The following CTNNA3 variants were observed in gnomAD, a reference collection of about 807,000 sequenced individuals.
The protein encoded by CTNNA3 is catenin alpha-3.
CTNNA3 carries 76 observed loss-of-function variants against 95.7 expected under a neutral mutation model. That is an observed-to-expected ratio of 0.79 (90% CI 0.66 to 0.96). CTNNA3 has a LOEUF of 0.96. CTNNA3 is among the 40% of genes least tolerant of loss of function. The probability of loss-of-function intolerance (pLI) is 0.00; values close to 1 mark genes in which losing one functional copy is unlikely to be tolerated. For missense variants in CTNNA3, 1,191 were observed against 1,089.8 expected, an observed-to-expected ratio of 1.09 and a Z score of -1.31; for synonymous variants, 431 against 374.4, an observed-to-expected ratio of 1.15 and a Z score of -1.74.
chr10:67,625,087 G>A (rs1230023441), intron 2 of CTNNA3, among the ~76,000 whole-genome samples: 1 of 152,136 alleles, frequency 6.6e-6, no homozygotes, highest in African/African-American at 2.4e-5. Context: ...GGCCACGTCT[G>A]GTGGCCAGCC....
chr10:67,270,130 CA>C (rs201216673), intron 5 of CTNNA3, among the ~76,000 whole-genome samples: 12,134 of 100,476 alleles, frequency 0.12, 651 homozygotes, highest in East Asian at 0.33. Context: ...CAGTATTTGT[CA>C]AAAAAAAAAA....
chr10:66,430,660 C>A (rs2093286316), intron 11 of CTNNA3, among the ~76,000 whole-genome samples: 1 of 152,142 alleles, frequency 6.6e-6, no homozygotes, highest in Non-Finnish European at 1.5e-5. Context: ...GGAAAGGATT[C>A]CTTATTTAAT....
At chr10:67,402,965 C>A (rs1844980518) in intron 5 of CTNNA3, among the ~76,000 whole-genome samples, 1 of 152,206 alleles carries the variant, frequency 6.6e-6, no homozygotes, top group South Asian at 2.1e-4. Context: ...TTCCAAGGCA[C>A]CTCACAAAAT....
intron 1 of CTNNA3, among the ~76,000 whole-genome samples, chr10:67,688,197 GAGA>G (rs1302912459): frequency 2.0e-5 from 3 of 152,260 alleles, no homozygotes; most frequent in Admixed American, 1.3e-4. Context: ...CTTTAAATCA[GAGA>G]GGGAGAAGGG....
chr10:67,659,695 C>T (rs554594420), intron 1 of CTNNA3, among the ~76,000 whole-genome samples: 13 of 152,340 alleles, frequency 8.5e-5, no homozygotes, highest in East Asian at 3.9e-4. Flanking sequence ...TAAGCAACCA[C>T]GGCAGAAGTA....
intron 7 of CTNNA3, among the ~76,000 whole-genome samples, chr10:67,034,012 T>A (rs1427962401): frequency 1.3e-5 from 2 of 152,182 alleles, no homozygotes; most frequent in African/African-American, 4.8e-5. Context: ...CCTCAAGAGA[T>A]CCGCCTGCCT....
At chr10:67,256,934 T>C (rs1388495634) in intron 5 of CTNNA3, among the ~76,000 whole-genome samples, 2 of 152,140 alleles carry the variant, frequency 1.3e-5, no homozygotes, top group African/African-American at 2.4e-5. Context: ...AAAATTAAAA[T>C]TGCAAAATGC....
chr10:65,930,333 A>G (rs1319000706), intron 17 of CTNNA3, among the ~76,000 whole-genome samples: 1 of 152,096 alleles, frequency 6.6e-6, no homozygotes, highest in East Asian at 1.9e-4. Flanking sequence ...TCACTTCACC[A>G]TCAGCCCAAG....
At chr10:67,269,797 C>T (rs1043961055) in intron 5 of CTNNA3, among the ~76,000 whole-genome samples, 3 of 152,072 alleles carry the variant, frequency 2.0e-5, no homozygotes, top group African/African-American at 7.2e-5. Flanking sequence ...TTTGACTGTT[C>T]CTTTTATATC....
chr10:67,330,784 C>A (rs1564571840), intron 5 of CTNNA3, among the ~76,000 whole-genome samples: 1 of 152,016 alleles, frequency 6.6e-6, no homozygotes, highest in South Asian at 2.1e-4. Flanking sequence ...CCCAAACCTT[C>A]CTCAGACGAT....
intron 5 of CTNNA3, among the ~76,000 whole-genome samples, chr10:67,293,459 T>C (rs936217150): frequency 2.0e-5 from 3 of 152,224 alleles, no homozygotes. Context: ...GGATTACTTA[T>C]GACTGGAACA....
chr10:67,317,495 G>T (rs1841108861), intron 5 of CTNNA3, among the ~76,000 whole-genome samples: 1 of 151,000 alleles, frequency 6.6e-6, no homozygotes, highest in Admixed American at 6.6e-5. Context: ...GCACAATCTT[G>T]GCTCACTGCA....
At chr10:66,787,053 TAAG>T (rs1428752221) in intron 7 of CTNNA3, among the ~76,000 whole-genome samples, 54 of 152,322 alleles carry the variant, frequency 3.5e-4, no homozygotes, top group African/African-American at 1.1e-3. Flanking sequence ...TACATCTTTC[TAAG>T]TTCCTTTTTT....
At chr10:65,932,807 T>G (rs2077275199) in intron 17 of CTNNA3, among the ~76,000 whole-genome samples, 1 of 152,136 alleles carries the variant, frequency 6.6e-6, no homozygotes, top group African/African-American at 2.4e-5. Context: ...TAAAAATCCT[T>G]CATCATTGAA....
At chr10:66,584,913 G>C (rs1465446398) in intron 10 of CTNNA3, among the ~76,000 whole-genome samples, 1 of 151,962 alleles carries the variant, frequency 6.6e-6, no homozygotes, top group African/African-American at 2.4e-5. Context: ...TTACTTGTCT[G>C]AGAAAAACTA....
chr10:67,709,022 A>G (rs1194256949), intron 1 of CTNNA3, among the ~76,000 whole-genome samples: 2 of 151,882 alleles, frequency 1.3e-5, no homozygotes, highest in African/African-American at 2.4e-5. Flanking sequence ...TTTGCATTTC[A>G]TTATATAAAT....
chr10:66,867,625 C>T (rs949358428), intron 7 of CTNNA3, among the ~76,000 whole-genome samples: 22 of 152,118 alleles, frequency 1.4e-4, no homozygotes, highest in African/African-American at 5.1e-4. Context: ...GTAGATTGCT[C>T]TTCTAGCCGA....
intron 5 of CTNNA3, among the ~76,000 whole-genome samples, chr10:67,445,649 T>G (rs1325161749): frequency 6.6e-6 from 1 of 152,174 alleles, no homozygotes; most frequent in Non-Finnish European, 1.5e-5. Flanking sequence ...AGACATATTC[T>G]AAGCATAGCA....
At chr10:66,101,505 G>C (rs2081628559) in intron 14 of CTNNA3, among the ~76,000 whole-genome samples, 1 of 152,092 alleles carries the variant, frequency 6.6e-6, no homozygotes, top group South Asian at 2.1e-4. Context: ...CAATCTGAAT[G>C]TCTGAAAACA....
Sources: allele counts gnomAD v4.1 joint callset (sites outside exome capture counted in the v4.1 genomes callset), GRCh38; gene constraint gnomAD v4.1.1; transcripts MANE v1.5; gene names NCBI Gene and HGNC (gene_info 2026-07-23, HGNC 2026-07-21).